The following ESRRG variants were observed in gnomAD, a reference collection of about 807,000 sequenced individuals.
The protein encoded by ESRRG is estrogen-related receptor gamma.
ESRRG carries 13 observed loss-of-function variants against 44.0 expected under a neutral mutation model. The observed-to-expected ratio is 0.30, with a 90% CI of 0.19 to 0.47. ESRRG has a LOEUF of 0.47. Among genes scored for constraint, ESRRG ranks in the 20% least tolerant of loss-of-function variants. The pLI is 1.00. For synonymous variants in ESRRG, 215 were observed against 214.6 expected (o/e 1.00, Z -0.02); for missense variants, 395 against 580.6 (o/e 0.68, Z 3.29).
chr1:216,537,046 C>T (rs2051188727), intron 5 of ESRRG, among the ~76,000 whole-genome samples: 1 of 151,966 alleles, frequency 6.6e-6, no homozygotes, highest in Non-Finnish European at 1.5e-5. Context: ...GAGAGCAAGT[C>T]CTTTGTCTAT....
At chr1:216,531,777 G>A (rs1482482929) in intron 5 of ESRRG, among the ~76,000 whole-genome samples, 1 of 152,060 alleles carries the variant, frequency 6.6e-6, no homozygotes, top group African/African-American at 2.4e-5. Context: ...TGTAGCTGCA[G>A]TTAAAAGCCA....
chr1:216,516,231 A>G (rs2044221646), intron 6 of ESRRG, among the ~76,000 whole-genome samples: 1 of 152,154 alleles, frequency 6.6e-6, no homozygotes, highest in Admixed American at 6.6e-5. Context: ...AATTGGAACT[A>G]TTATTTAGGG....
intron 2 of ESRRG, among the ~76,000 whole-genome samples, chr1:216,923,931 A>G (rs1395168013): frequency 1.3e-5 from 2 of 152,218 alleles, no homozygotes; most frequent in Non-Finnish European, 2.9e-5. Flanking sequence ...GAATGTATCA[A>G]AAGGTCTACT....
At chr1:217,055,726 G>A (rs1256157671) in intron 1 of ESRRG, among the ~76,000 whole-genome samples, 1 of 148,510 alleles carries the variant, frequency 6.7e-6, no homozygotes, top group Non-Finnish European at 1.5e-5. Flanking sequence ...TTGCTCTCAG[G>A]TACATTTACA....
chr1:217,093,159 G>C (rs1027298960), upstream of ESRRG, among the ~76,000 whole-genome samples: 3 of 152,142 alleles, frequency 2.0e-5, no homozygotes, highest in Non-Finnish European at 4.4e-5. Context: ...GAACCCGTAG[G>C]CAGGAGATAT....
chr1:216,515,766 A>G, intron 6 of ESRRG, among the ~76,000 whole-genome samples: 1 of 152,096 alleles, frequency 6.6e-6, no homozygotes. Flanking sequence ...AGATTTAGAG[A>G]TTGAAGTTCT....
chr1:217,127,056 A>G (rs1463955647), intron 1 of ESRRG, among the ~76,000 whole-genome samples: 1 of 152,168 alleles, frequency 6.6e-6, no homozygotes, highest in Non-Finnish European at 1.5e-5. Context: ...GAGATTTCCA[A>G]TTACGGGGTG....
intron 2 of ESRRG, among the ~76,000 whole-genome samples, chr1:216,896,148 GA>G (rs879617163): frequency 6.6e-6 from 1 of 151,938 alleles, no homozygotes; most frequent in African/African-American, 2.4e-5. Flanking sequence ...CTCATATCTG[GA>G]AAAAAATAGG....
intron 1 of ESRRG, among the ~76,000 whole-genome samples, chr1:217,006,277 G>A (rs1324995697): frequency 1.3e-5 from 2 of 151,982 alleles, no homozygotes; most frequent in Non-Finnish European, 2.9e-5. Flanking sequence ...GTAATATAAA[G>A]ACCCATAGTC....
intron 2 of ESRRG, among the ~76,000 whole-genome samples, chr1:216,658,070 C>T (rs1253829479): frequency 6.6e-6 from 1 of 152,062 alleles, no homozygotes; most frequent in Admixed American, 6.6e-5. Flanking sequence ...CTTTTAAACC[C>T]TCAGCAATGT....
chr1:217,034,945 G>T (rs1306757832), intron 1 of ESRRG, among the ~76,000 whole-genome samples: 2 of 152,120 alleles, frequency 1.3e-5, no homozygotes, highest in African/African-American at 4.8e-5. Context: ...CGCCTTCTAG[G>T]TATCTATATG....
chr1:216,564,194 T>C, intron 5 of ESRRG, 25 bp downstream of exon 5: 1 of 1,457,126 alleles, frequency 6.9e-7, no homozygotes, highest in Non-Finnish European at 9.2e-7. Context: ...ACCTTTTCTT[T>C]TCTTTTTCTT....
upstream of ESRRG, among the ~76,000 whole-genome samples, chr1:217,093,743 A>G (rs2092384059): frequency 6.6e-6 from 1 of 151,782 alleles, no homozygotes; most frequent in Non-Finnish European, 1.5e-5. Flanking sequence ...TGATCGCACC[A>G]CTGCACTCCA....
At chr1:216,582,000 T>C (rs1043686783) in intron 3 of ESRRG, among the ~76,000 whole-genome samples, 4 of 152,234 alleles carry the variant, frequency 2.6e-5, no homozygotes, top group Non-Finnish European at 5.9e-5. Context: ...GCTGGTTACA[T>C]TATAAGTTGG....
At chr1:216,953,666 T>G (rs2150099981) in intron 1 of ESRRG, among the ~76,000 whole-genome samples, 1 of 152,178 alleles carries the variant, frequency 6.6e-6, no homozygotes, top group Admixed American at 6.6e-5. Context: ...ACCTCACCAC[T>G]TCAGGTTCAG....
intron 3 of ESRRG, among the ~76,000 whole-genome samples, chr1:216,612,035 G>A (rs945970515): frequency 2.6e-5 from 4 of 152,178 alleles, no homozygotes; most frequent in Non-Finnish European, 5.9e-5. Flanking sequence ...ATAACTACTA[G>A]AGAGTTTGGA....
intron 1 of ESRRG, among the ~76,000 whole-genome samples, chr1:217,126,528 T>C (rs961271997): frequency 2.0e-5 from 3 of 152,044 alleles, no homozygotes; most frequent in Admixed American, 2.0e-4. Context: ...GTTGGCCAAA[T>C]CATGGTGAGG....
At chr1:216,709,535 C>T (rs2083171098) in intron 1 of ESRRG, among the ~76,000 whole-genome samples, 1 of 151,892 alleles carries the variant, frequency 6.6e-6, no homozygotes, top group East Asian at 1.9e-4. Context: ...GAGAAACATA[C>T]TTTTAAATGC....
intron 1 of ESRRG, among the ~76,000 whole-genome samples, chr1:216,683,563 A>G (rs763645196): frequency 6.6e-6 from 1 of 152,230 alleles, no homozygotes; most frequent in Non-Finnish European, 1.5e-5. Flanking sequence ...GAGCTATGTA[A>G]TGTGGGGACA....
Sources: allele counts gnomAD v4.1 joint callset (sites outside exome capture counted in the v4.1 genomes callset), GRCh38; gene constraint gnomAD v4.1.1; transcripts MANE v1.5; gene names NCBI Gene and HGNC (gene_info 2026-07-23, HGNC 2026-07-21).